Variants in TAFA4 observed in about 807,000 individuals in gnomAD.
The protein encoded by TAFA4 is chemokine-like protein TAFA-4.
A neutral mutation model predicts 21.1 loss-of-function variants in TAFA4; 20 were observed. The observed-to-expected ratio is 0.95, with a 90% CI of 0.67 to 1.38. The LOEUF is 1.38. TAFA4 is among the 40% of genes most tolerant of loss of function. The pLI, the probability that TAFA4 is intolerant of heterozygous loss-of-function variation, is 0.00. For synonymous variants in TAFA4, 71 were observed against 67.4 expected (o/e 1.05, Z -0.26); for missense variants, 211 against 180.9 (o/e 1.17, Z -0.95).
intron 1 of TAFA4, among the ~76,000 whole-genome samples, chr3:68,893,772 C>CTTAAA (rs1263264337): frequency 1.8e-4 from 27 of 152,300 alleles, no homozygotes; most frequent in African/African-American, 6.5e-4. Flanking sequence ...TTCTTAAAAG[C>CTTAAA]TTAATCTAAA....
chr3:68,820,949 G>A (rs917575891), intron 3 of TAFA4, among the ~76,000 whole-genome samples: 1 of 152,114 alleles, frequency 6.6e-6, no homozygotes, highest in Non-Finnish European at 1.5e-5. Flanking sequence ...GTAAACCAAA[G>A]GAATTACAAA....
chr3:68,881,629 A>T (rs1031350374), intron 2 of TAFA4, among the ~76,000 whole-genome samples: 7 of 152,210 alleles, frequency 4.6e-5, no homozygotes, highest in African/African-American at 1.7e-4. Context: ...AGCAAAACTC[A>T]CCGCATTTGG....
intron 3 of TAFA4, among the ~76,000 whole-genome samples, chr3:68,787,438 A>G (rs1392396314): frequency 6.6e-6 from 1 of 152,226 alleles, no homozygotes; most frequent in Non-Finnish European, 1.5e-5. Context: ...GATAACAATC[A>G]TAATTATATC....
At chr3:68,887,152 C>T (rs74709844) in intron 1 of TAFA4, among the ~76,000 whole-genome samples, 1 of 152,178 alleles carries the variant, frequency 6.6e-6, no homozygotes, top group Non-Finnish European at 1.5e-5. Context: ...AGGCATAAAA[C>T]AGACATTCCC....
intron 3 of TAFA4, among the ~76,000 whole-genome samples, chr3:68,755,405 T>C (rs894852846): frequency 1.3e-5 from 2 of 152,208 alleles, no homozygotes; most frequent in Non-Finnish European, 2.9e-5. Flanking sequence ...TGGCTCGACC[T>C]GAGTGAGTAA....
chr3:68,784,339 G>A (rs1022559075), intron 3 of TAFA4, among the ~76,000 whole-genome samples: 25 of 152,200 alleles, frequency 1.6e-4, no homozygotes, highest in Admixed American at 7.9e-4. Context: ...AGACCCTCAC[G>A]GTGAGTGTTA....
chr3:68,882,764 T>G (rs1284560380), intron 2 of TAFA4, among the ~76,000 whole-genome samples: 1 of 152,186 alleles, frequency 6.6e-6, no homozygotes, highest in Admixed American at 6.5e-5. Context: ...TCAGGTAAGA[T>G]CCACGTATTA....
rs142769269 is a variant in TAFA4 at position 68,928,594 on chromosome 3, T to C, written c.-123+3646A>G. ...AGCTCCCCTTTAAACCTTTCGTTTA[T>C]AACTGTGGATACTGTCGCAGCTACT... On this transcript the variant is annotated intron_variant, in intron 1 of 5. Coordinates refer to ENST00000295569, the MANE Select transcript of TAFA4 (RefSeq NM_182522.5). Among the ~76,000 whole-genome samples the C allele has an allele frequency of 4.1e-3, 627 of 152,324 alleles. 5 individuals carry two copies. Among genetic ancestry groups the C allele is most frequent in the African/African-American group, 0.014 (578 of 41,576 alleles).
intron 3 of TAFA4, among the ~76,000 whole-genome samples, chr3:68,870,604 T>C (rs1010827953): frequency 2.0e-5 from 3 of 152,104 alleles, no homozygotes; most frequent in Non-Finnish European, 2.9e-5. Context: ...AGTTCTGGGA[T>C]ACATGTGCAG....
intron 5 of TAFA4, among the ~76,000 whole-genome samples, chr3:68,734,781 C>T (rs747699138): frequency 4.6e-5 from 7 of 152,032 alleles, no homozygotes; most frequent in Admixed American, 4.6e-4. Flanking sequence ...AATGACACAG[C>T]CCAGTGGTTG....
chr3:68,800,982 G>C (rs1449278787), intron 3 of TAFA4, among the ~76,000 whole-genome samples: 3 of 152,098 alleles, frequency 2.0e-5, no homozygotes, highest in Non-Finnish European at 4.4e-5. Flanking sequence ...CCACCCCTTT[G>C]ACTGCTCCAA....
chr3:68,895,359 T>G (rs909115367), intron 1 of TAFA4, among the ~76,000 whole-genome samples: 3 of 152,224 alleles, frequency 2.0e-5, no homozygotes, highest in Non-Finnish European at 4.4e-5. Flanking sequence ...GGTCGTGAAC[T>G]CCTGACCTCA....
intron 3 of TAFA4, among the ~76,000 whole-genome samples, chr3:68,762,148 A>G (rs77535572): frequency 0.013 from 2,023 of 152,016 alleles, 45 homozygotes; most frequent in African/African-American, 0.046. Context: ...GCTAGAGGAT[A>G]AAGAAAAAGA....
chr3:68,877,732 T>C (rs1037438196), intron 3 of TAFA4, among the ~76,000 whole-genome samples: 1 of 152,208 alleles, frequency 6.6e-6, no homozygotes, highest in Non-Finnish European at 1.5e-5. Flanking sequence ...TTTTCTCTTA[T>C]GCATGAGAAA....
At chr3:68,807,932 T>C (rs948071124) in intron 3 of TAFA4, among the ~76,000 whole-genome samples, 3 of 152,204 alleles carry the variant, frequency 2.0e-5, no homozygotes, top group African/African-American at 7.2e-5. Context: ...CATCTACATA[T>C]TGAGCTACAG....
chr3:68,775,492 G>C (rs965533788), intron 3 of TAFA4, among the ~76,000 whole-genome samples: 6 of 152,142 alleles, frequency 3.9e-5, no homozygotes, highest in African/African-American at 1.4e-4. Context: ...GAAGAGCCAA[G>C]AAACAGTACC....
At chr3:68,846,376 T>C (rs1704794480) in intron 3 of TAFA4, among the ~76,000 whole-genome samples, 1 of 152,058 alleles carries the variant, frequency 6.6e-6, no homozygotes, top group Non-Finnish European at 1.5e-5. Context: ...AGGTCATTTA[T>C]GTTCTTCTCC....
chr3:68,879,553 C>A (rs1015288793), intron 3 of TAFA4, among the ~76,000 whole-genome samples: 2 of 152,166 alleles, frequency 1.3e-5, no homozygotes, highest in South Asian at 2.1e-4. Context: ...AAAATAGGCA[C>A]AGCACAATAA....
intron 3 of TAFA4, among the ~76,000 whole-genome samples, chr3:68,838,339 A>C (rs1368625088): frequency 6.6e-6 from 1 of 152,224 alleles, no homozygotes; most frequent in Non-Finnish European, 1.5e-5. Flanking sequence ...TATTATTTTT[A>C]ATGTCAAGAA....
Sources: allele counts gnomAD v4.1 joint callset (sites outside exome capture counted in the v4.1 genomes callset), GRCh38; gene constraint gnomAD v4.1.1; transcripts MANE v1.5; gene names NCBI Gene and HGNC (gene_info 2026-07-23, HGNC 2026-07-21).